Variants in EIF2AK2 observed in about 807,000 individuals in gnomAD.
EIF2AK2 encodes eukaryotic translation initiation factor 2 alpha kinase 2.
Under a neutral mutation model 70.5 loss-of-function variants are expected in EIF2AK2, and 40 were observed. That is an observed-to-expected ratio of 0.57 (90% CI 0.44 to 0.74). The LOEUF (loss-of-function observed/expected upper bound fraction) is 0.74. EIF2AK2 is among the 30% of genes least tolerant of loss of function. EIF2AK2 has a pLI of 0.00. For synonymous variants in EIF2AK2, 198 were observed against 220.9 expected, an observed-to-expected ratio of 0.90 and a Z score of 0.92; for missense variants, 555 against 644.3, an observed-to-expected ratio of 0.86 and a Z score of 1.50.
chr2:37,107,302 G>A lies in EIF2AK2; in HGVS notation c.1627C>T (p.Pro543Ser). The A allele has an allele frequency of 6.2e-7, 1 of 1,613,280 alleles. No individual in the cohort carries two copies. Among genetic ancestry groups the A allele is most frequent in the Non-Finnish European group, 8.5e-7 (1 of 1,179,822 alleles). The change falls in exon 17 of 17, where the codon CCA (proline) becomes TCA (serine). Residue 543 changes from proline to serine, a missense_variant. Pro to Ser is a moderately conservative substitution (Grantham distance 74). Transcript: ENST00000233057. ...LRTLTVWKKS[P>S]EKNERHTC Reference sequence around the variant, plus strand: ...CATGTGTGTCGTTCATTTTTCTCTGGGCTTTTCTTCCACACAGTCAAGGTC... The same window carrying A: ...CATGTGTGTCGTTCATTTTTCTCTGAGCTTTTCTTCCACACAGTCAAGGTC...
At chr2:37,138,078 C>T (rs1316145340) in intron 8 of EIF2AK2, among the ~76,000 whole-genome samples, 192 bp downstream of exon 8, 1 of 144,078 alleles carries the variant, frequency 6.9e-6, no homozygotes, top group Non-Finnish European at 1.5e-5. Context: ...CACTGCACTC[C>T]AGCCTGGGCA....
intron 8 of EIF2AK2, among the ~76,000 whole-genome samples, chr2:37,137,919 T>A (rs1279013016): frequency 6.6e-6 from 1 of 152,032 alleles, no homozygotes; most frequent in East Asian, 1.9e-4. Context: ...GAGACCAGCC[T>A]GAACAACATG....
chr2:37,147,483 C>T (rs1387747793), intron 3 of EIF2AK2, among the ~76,000 whole-genome samples: 3 of 122,974 alleles, frequency 2.4e-5, no homozygotes, highest in Non-Finnish European at 4.9e-5. Flanking sequence ...CCACAACAGT[C>T]CCTGGTGTGT....
rs760900227 is a variant in EIF2AK2 at position 37,107,378 on chromosome 2, T to C, written c.1551A>G (p.Lys517=). 1 of 1,613,902 alleles carries C rather than the reference T, an allele frequency of 6.2e-7. No individual in the cohort carries two copies. Among genetic ancestry groups the C allele is most frequent in the South Asian group, 1.1e-5 (1 of 90,976 alleles). ...FDKKEKTLLQ[K]LLSKKPEDRP... ...GATCCTCAGGTTTCTTTGAGAGTAA[T>C]TTCTGTAGAAGAGTTTTCTGCAATG... is the stretch of plus-strand genomic sequence containing the variant. The change falls in exon 17 of 17, where the codon AAA becomes AAG. Residue 517 remains lysine, a synonymous_variant. Transcript: ENST00000233057.
At chr2:37,145,989 G>C (rs1675523668) in intron 4 of EIF2AK2, among the ~76,000 whole-genome samples, 1 of 151,830 alleles carries the variant, frequency 6.6e-6, no homozygotes, top group Admixed American at 6.6e-5. Context: ...CCTGACCTCA[G>C]GTGATCCACC....
intron 1 of EIF2AK2, chr2:37,149,269 G>A: frequency 9.5e-7 from 1 of 1,058,078 alleles, no homozygotes. Flanking sequence ...TGAAATTGAA[G>A]GAGGAGAAAT....
At chr2:37,110,262 T>A (rs1572997512) in intron 14 of EIF2AK2, among the ~76,000 whole-genome samples, 1 of 110,548 alleles carries the variant, frequency 9.0e-6, no homozygotes, top group East Asian at 2.0e-4. Context: ...TATTTCTGTA[T>A]TTTTGTTTTT....
chr2:37,145,715 G>A (rs1675509006), intron 4 of EIF2AK2, among the ~76,000 whole-genome samples: 1 of 138,896 alleles, frequency 7.2e-6, no homozygotes, highest in South Asian at 2.3e-4. Context: ...CATGGTATGT[G>A]CCTTATATGG....
At chr2:37,149,772 A>C (rs1250658778) in intron 1 of EIF2AK2, among the ~76,000 whole-genome samples, 2 of 152,232 alleles carry the variant, frequency 1.3e-5, no homozygotes, top group Non-Finnish European at 2.9e-5. Context: ...GATATGCTTC[A>C]TGATCAGTGA....
intron 9 of EIF2AK2, 25 bp downstream of exon 9, chr2:37,136,958 A>G: frequency 6.3e-7 from 1 of 1,589,348 alleles, no homozygotes. Flanking sequence ...AGATCAAAAT[A>G]TGTTCAATGC....
rs1309398233 is a variant in EIF2AK2 at position 37,104,837 on chromosome 2, G to A, written c.*2436C>T. The A allele has an allele frequency of 6.6e-6, 1 of 152,064 alleles. No homozygotes were observed. The highest frequency in any genetic ancestry group is 2.4e-5 in the African/African-American group (1 of 41,390). 9.4% of individuals were successfully genotyped at this position (152,064 alleles called of 1,614,324 possible). On this transcript the variant is annotated 3_prime_UTR_variant, in exon 17 of 17. Transcript: ENST00000233057. ...CACTTTGTGCAAGAAAACTAAATAG[G>A]TAAAATTCTTAAGTCACATCAGGAG...
intron 10 of EIF2AK2, among the ~76,000 whole-genome samples, chr2:37,129,665 G>C (rs1443648375): frequency 6.6e-6 from 1 of 152,130 alleles, no homozygotes; most frequent in Non-Finnish European, 1.5e-5. Flanking sequence ...TGTTTCTGTT[G>C]ATGGAATGAA....
At chr2:37,150,902 G>A (rs981484326) in intron 1 of EIF2AK2, among the ~76,000 whole-genome samples, 2 of 152,060 alleles carry the variant, frequency 1.3e-5, no homozygotes, top group African/African-American at 4.8e-5. Context: ...CTGTTTATAG[G>A]TCTCACTGGA....
intron 4 of EIF2AK2, 49 bp from the exon 5 acceptor site, chr2:37,141,750 A>C (rs1428998766): frequency 6.6e-7 from 1 of 1,512,922 alleles, no homozygotes; most frequent in South Asian, 1.3e-5. Flanking sequence ...ACAAAGATTT[A>C]ACCTTTTAAA....
chr2:37,113,974 G>T (rs541264961), intron 14 of EIF2AK2, among the ~76,000 whole-genome samples: 1 of 152,224 alleles, frequency 6.6e-6, no homozygotes, highest in African/African-American at 2.4e-5. Context: ...GATTATCACA[G>T]AATTATTTGT....
At chr2:37,111,937 C>A (rs78268128) in intron 14 of EIF2AK2, among the ~76,000 whole-genome samples, 18,104 of 129,358 alleles carry the variant, frequency 0.14, 1,516 homozygotes, top group Admixed American at 0.16. Flanking sequence ...CTCTCTCTCT[C>A]TCTATATATA....
chr2:37,146,941 T>C lies in EIF2AK2; in HGVS notation c.152A>G (p.Glu51Gly). ...FTFQVIIDGR[E>G]FPEGEGRSKK... ...TGATCTACCTTCACCTTCTGGAAAT[T>C]CTCTTCCATCTATTATAACTTGAAA... Residue 51 changes from glutamate to glycine, a missense_variant, in exon 4 of 17, where the codon GAA (glutamate) becomes GGA (glycine). Glu to Gly is a moderately conservative substitution (Grantham distance 98). Around this residue, in one of 3 missense-constraint regions of EIF2AK2, gnomAD observed 48 missense variants for 77.1 expected, o/e 0.62. Coordinates refer to ENST00000233057, the MANE Select transcript of EIF2AK2 (RefSeq NM_001135651.3). 1.2e-6 allele frequency: 2 copies of C among 1,612,970 alleles called. No homozygotes were observed. The highest frequency in any genetic ancestry group is 1.7e-6 in the Non-Finnish European group (2 of 1,179,540).
chr2:37,132,030 A>G (rs1674958922), intron 10 of EIF2AK2, among the ~76,000 whole-genome samples: 1 of 152,198 alleles, frequency 6.6e-6, no homozygotes, highest in African/African-American at 2.4e-5. Flanking sequence ...ATTGTCTACT[A>G]AAGGCAGCTC....
intron 13 of EIF2AK2, among the ~76,000 whole-genome samples, chr2:37,118,491 G>A (rs1674424331): frequency 6.6e-6 from 1 of 152,068 alleles, no homozygotes; most frequent in Non-Finnish European, 1.5e-5. Flanking sequence ...TCAGAATTTT[G>A]CTAATTCATT....
Sources: gnomAD v4.1 joint callset for allele counts (sites outside exome capture counted in the v4.1 genomes callset) on GRCh38, gnomAD v4.1.1 for gene constraint, gnomAD v4.1.1 regional missense constraint, MANE v1.5 for transcripts, NCBI Gene and HGNC (gene_info 2026-07-23, HGNC 2026-07-21) for gene names.